Variants in AOAH observed in about 807,000 individuals in gnomAD.
AOAH encodes acyloxyacyl hydrolase.
Under a neutral mutation model 92.2 loss-of-function variants are expected in AOAH, and 64 were observed. The ratio of observed to expected loss-of-function variants is 0.69; its 90% confidence interval spans 0.57 to 0.86. The LOEUF is 0.86. AOAH is among the 40% of genes least tolerant of loss of function. The pLI is 0.00. For missense variants in AOAH, 656 were observed against 694.6 expected (o/e 0.94, Z 0.62); for synonymous variants, 263 against 254.5 (o/e 1.03, Z -0.32).
At chr7:36,552,829 G>A (rs1376963222) in intron 13 of AOAH, among the ~76,000 whole-genome samples, 1 of 152,066 alleles carries the variant, frequency 6.6e-6, no homozygotes, top group African/African-American at 2.4e-5. Context: ...ATGGTATTTG[G>A]TTTTCTGTTT....
intron 4 of AOAH, among the ~76,000 whole-genome samples, chr7:36,645,122 GC>G (rs1315014862): frequency 6.6e-6 from 1 of 152,120 alleles, no homozygotes; most frequent in Non-Finnish European, 1.5e-5. Context: ...CAGTGTCTGT[GC>G]CCCCCACCCC....
At chr7:36,554,898 G>A (rs1268352543) in intron 13 of AOAH, among the ~76,000 whole-genome samples, 3 of 147,970 alleles carry the variant, frequency 2.0e-5, no homozygotes, top group Non-Finnish European at 4.5e-5. Context: ...AGACAATGGG[G>A]TTTTCTAGAT....
chr7:36,605,625 A>T (rs115603882), intron 11 of AOAH, among the ~76,000 whole-genome samples: 84 of 152,306 alleles, frequency 5.5e-4, no homozygotes, highest in African/African-American at 1.9e-3. Context: ...TTCCTCTTGT[A>T]GTTTTCATAA....
At chr7:36,521,289 C>A (rs1159189805) in intron 20 of AOAH, among the ~76,000 whole-genome samples, 4 of 152,176 alleles carry the variant, frequency 2.6e-5, no homozygotes, top group Non-Finnish European at 5.9e-5. Context: ...CATAGAGGAG[C>A]AGCTTTCAAC....
At chr7:36,714,204 C>A (rs558137191) in intron 1 of AOAH, among the ~76,000 whole-genome samples, 1 of 152,146 alleles carries the variant, frequency 6.6e-6, no homozygotes, top group Non-Finnish European at 1.5e-5. Context: ...AACACCTCTA[C>A]GCAAATAAAC....
chr7:36,543,919 T>C (rs10277017), intron 15 of AOAH, among the ~76,000 whole-genome samples: 3 of 147,246 alleles, frequency 2.0e-5, no homozygotes, highest in African/African-American at 7.6e-5. Flanking sequence ...AAAGTTTTCT[T>C]TTCTTTTTCT....
At chr7:36,519,090 G>A (rs912350148) in intron 20 of AOAH, among the ~76,000 whole-genome samples, 24 of 152,238 alleles carry the variant, frequency 1.6e-4, no homozygotes, top group African/African-American at 5.1e-4. Context: ...CCTCCACGCC[G>A]CTACTACAGG....
intron 1 of AOAH, among the ~76,000 whole-genome samples, chr7:36,698,934 A>G (rs2116873680): frequency 6.6e-6 from 1 of 152,192 alleles, no homozygotes; most frequent in African/African-American, 2.4e-5. Flanking sequence ...ATTTGTACCC[A>G]TTAATCAACC....
chr7:36,722,999 A>G (rs916143890), intron 1 of AOAH, among the ~76,000 whole-genome samples: 1 of 151,630 alleles, frequency 6.6e-6, no homozygotes, highest in Non-Finnish European at 1.5e-5. Context: ...TAACATGTAC[A>G]ATGACCTGAG....
chr7:36,717,093 A>G (rs1799253002), intron 1 of AOAH, among the ~76,000 whole-genome samples: 1 of 152,166 alleles, frequency 6.6e-6, no homozygotes, highest in East Asian at 1.9e-4. Flanking sequence ...AATATGGTAA[A>G]CTGGGGAAGG....
intron 2 of AOAH, among the ~76,000 whole-genome samples, chr7:36,685,189 C>G (rs1796924013): frequency 6.6e-6 from 1 of 151,910 alleles, no homozygotes; most frequent in Admixed American, 6.6e-5. Flanking sequence ...AGGTCAAATT[C>G]CACAACTAAG....
chr7:36,515,666 C>T (rs1435178251), intron 20 of AOAH, among the ~76,000 whole-genome samples: 1 of 134,680 alleles, frequency 7.4e-6, no homozygotes, highest in African/African-American at 2.9e-5. Context: ...ACACACCACA[C>T]CCCTCACAAC....
chr7:36,688,999 G>T (rs1797222096), intron 1 of AOAH, among the ~76,000 whole-genome samples: 1 of 152,022 alleles, frequency 6.6e-6, no homozygotes, highest in Admixed American at 6.6e-5. Context: ...TGCTATGTTG[G>T]CCAGGTTGGT....
At chr7:36,655,282 T>C (rs1032325668) in intron 4 of AOAH, among the ~76,000 whole-genome samples, 3 of 152,240 alleles carry the variant, frequency 2.0e-5, no homozygotes, top group Non-Finnish European at 2.9e-5. Flanking sequence ...GTTAGCACAT[T>C]ATAAGTGCTC....
Position 36,596,618 on chromosome 7 carries a change from T to C in AOAH, c.847-2188A>G, listed in dbSNP as rs181033533. On this transcript the variant is annotated intron_variant, in intron 11 of 20. Coordinates refer to ENST00000617537, the MANE Select transcript of AOAH (RefSeq NM_001637.4). Reference sequence around the variant, plus strand: ...GAGGCAGAGATTTGAATGATGCTTCTGCAATCCAGTTAATGGCAAAGATTG... The same window carrying C: ...GAGGCAGAGATTTGAATGATGCTTCCGCAATCCAGTTAATGGCAAAGATTG... Among the ~76,000 whole-genome samples, 8 of 152,306 alleles carry C rather than the reference T, an allele frequency of 5.3e-5. No individual in the cohort carries two copies. In the East Asian group the frequency reaches 1.5e-3, roughly 29 times the overall value.
chr7:36,625,612 T>C (rs1440102632), intron 6 of AOAH, among the ~76,000 whole-genome samples: 1 of 152,084 alleles, frequency 6.6e-6, no homozygotes, highest in Non-Finnish European at 1.5e-5. Flanking sequence ...ATTAGAAACG[T>C]TCTACTTGCT....
At chr7:36,722,070 G>A (rs1054444414) in intron 1 of AOAH, among the ~76,000 whole-genome samples, 2 of 152,150 alleles carry the variant, frequency 1.3e-5, no homozygotes, top group African/African-American at 4.8e-5. Flanking sequence ...GAGTGAAGCT[G>A]TTTTTGTCAG....
At chr7:36,616,247 T>G in intron 11 of AOAH, 133 bp downstream of exon 11, 1 of 706,820 alleles carries the variant, frequency 1.4e-6, no homozygotes. Flanking sequence ...ACTGTGGATA[T>G]GCCTTTCATG....
intron 12 of AOAH, among the ~76,000 whole-genome samples, chr7:36,591,088 C>A (rs1406438000): frequency 6.6e-6 from 1 of 151,938 alleles, no homozygotes; most frequent in Admixed American, 6.6e-5. Flanking sequence ...AGATTCCAAA[C>A]AGAGAATTTC....
Sources: gnomAD v4.1 joint callset for allele counts (sites outside exome capture counted in the v4.1 genomes callset) on GRCh38, gnomAD v4.1.1 for gene constraint, MANE v1.5 for transcripts, NCBI Gene and HGNC (gene_info 2026-07-23, HGNC 2026-07-21) for gene names.